Variants in CDKL4 observed in about 807,000 individuals in gnomAD.
CDKL4 encodes the protein cyclin-dependent kinase-like 4.
In CDKL4, 44 loss-of-function variants were observed where a neutral mutation model predicts 42.0. The observed-to-expected ratio is 1.05, with a 90% CI of 0.82 to 1.35. The LOEUF is 1.35. Among genes scored for constraint, CDKL4 ranks in the 40% most tolerant of loss-of-function variants. The pLI is 0.00. For synonymous variants in CDKL4, 120 were observed against 121.6 expected, an observed-to-expected ratio of 0.99 and a Z score of 0.09; for missense variants, 393 against 369.9, an observed-to-expected ratio of 1.06 and a Z score of -0.51.
chr2:39,184,445 C>A, intron 8 of CDKL4, 146 bp downstream of exon 8: 3 of 582,352 alleles, frequency 5.2e-6, no homozygotes, highest in Admixed American at 6.0e-5. Context: ...GTCCCTTTAA[C>A]TGGAATTGTT....
intron 4 of CDKL4, among the ~76,000 whole-genome samples, chr2:39,204,855 T>C (rs1482859840): frequency 1.3e-5 from 2 of 152,066 alleles, no homozygotes; most frequent in Admixed American, 1.3e-4. Flanking sequence ...TATAATTGTA[T>C]ATAAAAACTG....
At chr2:39,191,935 T>G (rs1223887514) in intron 5 of CDKL4, among the ~76,000 whole-genome samples, 1 of 152,190 alleles carries the variant, frequency 6.6e-6, no homozygotes, top group Non-Finnish European at 1.5e-5. Flanking sequence ...AGTCGTCAGG[T>G]AGCCCCAAAG....
chr2:39,207,154 G>A (rs1443490746), intron 4 of CDKL4, among the ~76,000 whole-genome samples: 1 of 152,192 alleles, frequency 6.6e-6, no homozygotes, highest in African/African-American at 2.4e-5. Flanking sequence ...GGGAGGCCAA[G>A]GTGGGCGGAT....
exon 5 of CDKL4, chr2:39,204,561 G>C (rs1029084763): frequency 6.2e-7 from 1 of 1,609,506 alleles, no homozygotes; most frequent in Non-Finnish European, 8.5e-7. Context: ...CACAAATCTT[G>C]ATTATTCCTT....
At chr2:39,215,602 T>C (rs1677869278) in intron 3 of CDKL4, among the ~76,000 whole-genome samples, 1 of 152,242 alleles carries the variant, frequency 6.6e-6, no homozygotes, top group Non-Finnish European at 1.5e-5. Flanking sequence ...TATTTGGATA[T>C]TTAAATCATA....
chr2:39,181,543 A>G (rs1475715465), intron 8 of CDKL4, among the ~76,000 whole-genome samples: 1 of 151,412 alleles, frequency 6.6e-6, no homozygotes, highest in Non-Finnish European at 1.5e-5. Flanking sequence ...CGCCGCAAAA[A>G]TATGTATGTT....
intron 1 of CDKL4, among the ~76,000 whole-genome samples, chr2:39,233,821 G>A (rs1317174844): frequency 6.8e-6 from 1 of 146,904 alleles, no homozygotes; most frequent in Non-Finnish European, 1.5e-5. Flanking sequence ...TTGGAGATAC[G>A]AAAAAGCCAC....
rs143416552 is a variant in CDKL4, at chr2:39,220,360, C to CA, written c.290+5478dup. ...TCTCCCCACCTCCCCTCAAGGTCTC[C>CA]AAACCTTAACTAAAGTCAGATCCCA... On this transcript the variant is annotated intron_variant, in intron 3 of 9. Coordinates refer to ENST00000451199, the Ensembl canonical transcript of CDKL4. Among the ~76,000 whole-genome samples, 23 of 152,242 alleles carry CA rather than the reference C, an allele frequency of 1.5e-4. No homozygotes were observed. In the East Asian group the frequency reaches 4.2e-3, roughly 28 times the overall value.
At chr2:39,179,352 T>A (rs1416362052) in intron 8 of CDKL4, 31 bp from the exon 9 acceptor site, 5 of 1,533,398 alleles carry the variant, frequency 3.3e-6, no homozygotes, top group Non-Finnish European at 3.5e-6. Flanking sequence ...AAAGAAGATG[T>A]TAAGGGAGGG....
downstream of CDKL4, among the ~76,000 whole-genome samples, chr2:39,172,193 T>C (rs1230356490): frequency 6.6e-6 from 1 of 151,862 alleles, no homozygotes; most frequent in Admixed American, 6.6e-5. Context: ...ACACCTGTAA[T>C]CCCAGCTACT....
chr2:39,169,885 G>A, the CDKL4 span, among the ~76,000 whole-genome samples: 7 of 151,872 alleles, frequency 4.6e-5, no homozygotes, highest in Non-Finnish European at 8.8e-5. Flanking sequence ...TGCAACCTCC[G>A]CCTCCTGGCT....
At chr2:39,183,548 G>T (rs1358271131) in intron 8 of CDKL4, among the ~76,000 whole-genome samples, 1 of 152,194 alleles carries the variant, frequency 6.6e-6, no homozygotes, top group East Asian at 1.9e-4. Flanking sequence ...CCCCAGAGTT[G>T]CTTTCCAGGG....
chr2:39,209,967 T>A (rs1677491752), intron 4 of CDKL4, among the ~76,000 whole-genome samples: 1 of 152,150 alleles, frequency 6.6e-6, no homozygotes, highest in South Asian at 2.1e-4. Flanking sequence ...AATTTCCATC[T>A]TGGAGGAGGG....
exon 1 of CDKL4, among the ~76,000 whole-genome samples, chr2:39,243,915 C>G (rs902714434): frequency 3.9e-5 from 6 of 152,258 alleles, no homozygotes; most frequent in African/African-American, 1.4e-4. Context: ...CAGCGCCGAA[C>G]AGCCCCAGCC....
At chr2:39,239,017 G>A (rs1467942754) in intron 1 of CDKL4, among the ~76,000 whole-genome samples, 1 of 152,230 alleles carries the variant, frequency 6.6e-6, no homozygotes, top group Non-Finnish European at 1.5e-5. Flanking sequence ...CTCCAAAAGT[G>A]TTGGGATTAC....
intron 3 of CDKL4, among the ~76,000 whole-genome samples, chr2:39,214,754 CT>C (rs1306191474): frequency 6.6e-6 from 1 of 152,144 alleles, no homozygotes; most frequent in African/African-American, 2.4e-5. Flanking sequence ...GTAATAGTTA[CT>C]TGTCCCTGTA....
At chr2:39,194,721 T>A (rs1281022884) in intron 5 of CDKL4, among the ~76,000 whole-genome samples, 2 of 152,196 alleles carry the variant, frequency 1.3e-5, no homozygotes, top group African/African-American at 4.8e-5. Context: ...AAATATTCTC[T>A]CCTTTGGTTA....
chr2:39,204,601 A>T, exon 5 of CDKL4: 1 of 1,566,344 alleles, frequency 6.4e-7, no homozygotes, highest in Non-Finnish European at 8.8e-7. Flanking sequence ...TTCAGGTTTT[A>T]TATCTCTGTG....
intron 3 of CDKL4, among the ~76,000 whole-genome samples, chr2:39,220,971 A>G (rs989234570): frequency 2.4e-4 from 19 of 78,146 alleles, no homozygotes; most frequent in Middle Eastern, 8.8e-3. Context: ...CACTACATCG[A>G]CGATCTTTTT....
Sources: gnomAD v4.1 joint callset for allele counts (sites outside exome capture counted in the v4.1 genomes callset) on GRCh38, gnomAD v4.1.1 for gene constraint, MANE v1.5 for transcripts, NCBI Gene and HGNC (gene_info 2026-07-23, HGNC 2026-07-21) for gene names.